Variants in PTBP1 observed in about 807,000 individuals in gnomAD.
PTBP1 encodes polypyrimidine tract binding protein 1.
A neutral mutation model predicts 59.8 loss-of-function variants in PTBP1; 8 were observed. The observed-to-expected ratio is 0.13, with a 90% CI of 0.08 to 0.24. The LOEUF is 0.24. Among genes scored for constraint, PTBP1 ranks in the 10% least tolerant of loss-of-function variants. The pLI, the probability that PTBP1 is intolerant of heterozygous loss-of-function variation, is 1.00. For synonymous variants in PTBP1, 490 were observed against 320.7 expected (o/e 1.53, Z -5.64); for missense variants, 686 against 767.0 (o/e 0.89, Z 1.25).
At chr19:798,893 A>G (rs556629612) in intron 1 of PTBP1, among the ~76,000 whole-genome samples, 2 of 152,116 alleles carry the variant, frequency 1.3e-5, no homozygotes, top group South Asian at 4.1e-4. Context: ...GTTAATTTTT[A>G]TTGACGGTTT....
In PTBP1 at chr19:812,121, T is replaced by C. The variant is rs1417168123; in HGVS notation, c.*1295T>C. ...TTGCTAACAGCAATTCCAGGCTCAG[T>C]ATTGTGACCGCGGAGCCACAGGGGA... On this transcript the variant is annotated 3_prime_UTR_variant, in exon 15 of 15. Coordinates refer to ENST00000356948, the MANE Select transcript of PTBP1 (RefSeq NM_002819.5). The C allele has an allele frequency of 2.0e-5, 3 of 152,410 alleles. No homozygotes were observed. Among genetic ancestry groups the C allele is most frequent in the African/African-American group, 7.2e-5 (3 of 41,444 alleles). The allele number at this position is 152,410 out of a possible 1,614,324, so 9.4% of individuals were successfully genotyped here.
chr19:797,740 G>T (rs2034134806), intron 1 of PTBP1, among the ~76,000 whole-genome samples: 1 of 139,900 alleles, frequency 7.1e-6, no homozygotes, highest in African/African-American at 2.6e-5. Flanking sequence ...CGCGCGCCCC[G>T]TCCCTAGCGC....
chr19:798,720 G>T (rs1368500328), intron 1 of PTBP1, among the ~76,000 whole-genome samples: 1 of 152,230 alleles, frequency 6.6e-6, no homozygotes, highest in African/African-American at 2.4e-5. Context: ...GGGAGAAGCC[G>T]TGGGGAGCTC....
chr19:810,158 T>C (rs1432288157), intron 13 of PTBP1, among the ~76,000 whole-genome samples: 1 of 152,122 alleles, frequency 6.6e-6, no homozygotes, highest in Non-Finnish European at 1.5e-5. Flanking sequence ...AATAAAAAAA[T>C]TAGCCTGGCA....
At chr19:806,334 GGGGAGCGTC>G in intron 9 of PTBP1, 65 bp from the exon 10 acceptor site, 2 of 1,465,728 alleles carry the variant, frequency 1.4e-6, no homozygotes, top group Admixed American at 4.8e-5. Flanking sequence ...GCATGAGGAC[GGGGAGCGTC>G]GGCCTCTCCC....
At chr19:807,973 TTATG>T in intron 11 of PTBP1, 71 bp downstream of exon 11, 3 of 1,426,556 alleles carry the variant, frequency 2.1e-6, no homozygotes, top group Non-Finnish European at 3.0e-6. Context: ...CTGAGACGTA[TTATG>T]AGTTTGCGGT....
chr19:810,143 C>CTA (rs1163515978), intron 13 of PTBP1, among the ~76,000 whole-genome samples: 2 of 152,132 alleles, frequency 1.3e-5, no homozygotes, highest in Non-Finnish European at 2.9e-5. Flanking sequence ...CCCGTCTCTA[C>CTA]TAAAAATAAA....
At chr19:807,960 G>T in intron 11 of PTBP1, 58 bp downstream of exon 11, 4 of 1,462,240 alleles carry the variant, frequency 2.7e-6, no homozygotes, top group African/African-American at 1.4e-5. Context: ...TGATTTTGAT[G>T]CCCTGAGACG....
At chr19:804,480 G>A (rs760479522) in intron 5 of PTBP1, 42 bp downstream of exon 5, 10 of 1,596,864 alleles carry the variant, frequency 6.3e-6, no homozygotes, top group East Asian at 2.2e-5. Context: ...CGGGGACCTC[G>A]GGGGTGGGCC....
At position 808,168 on chromosome 19, in the gene PTBP1, C is replaced by T. The variant is rs531209140; in HGVS notation, c.1154-192C>T. 7 of 641,006 alleles carry T rather than the reference C, an allele frequency of 1.1e-5. No individual in the cohort carries two copies. The African/African-American group carries it at 1.1e-4, about 10-fold the overall frequency. The allele number at this position is 641,006 out of a possible 1,614,324, so 39.7% of individuals were successfully genotyped here. On this transcript the variant is annotated intron_variant, in intron 11 of 14. Transcript: ENST00000356948. This position sits in a 1 kb window ranked among gnomAD's most constrained non-coding sequence, Gnocchi z 4.7. ...GCTGGCAGCTTACCTGTCCTGGATGCTATGACTTTGCTGAACGGAGCTGCT... is the reference window on the plus strand; with the variant it reads ...GCTGGCAGCTTACCTGTCCTGGATGTTATGACTTTGCTGAACGGAGCTGCT...
intron 13 of PTBP1, among the ~76,000 whole-genome samples, chr19:809,306 A>ATATT (rs1190395671): frequency 8.6e-6 from 1 of 116,506 alleles, no homozygotes; most frequent in African/African-American, 4.3e-5. Flanking sequence ...GCGCCTAGCC[A>ATATT]CATTTATTTA....
At chr19:800,788 C>T (rs949779379) in intron 2 of PTBP1, among the ~76,000 whole-genome samples, 11 of 152,200 alleles carry the variant, frequency 7.2e-5, no homozygotes, top group Non-Finnish European at 1.2e-4. Flanking sequence ...TCGTCTCTTC[C>T]CTGCTTCTGT....
At position 808,141 on chromosome 19, in the gene PTBP1, C is replaced by A. The variant is rs932314854; in HGVS notation, c.1154-219C>A. 6 of 629,628 alleles carry A rather than the reference C, an allele frequency of 9.5e-6. No individual in the cohort carries two copies. The African/African-American group carries it at 1.1e-4, about 12-fold the overall frequency. The allele number at this position is 629,628 out of a possible 1,614,324, so 39.0% of individuals were successfully genotyped here. ...CGGTGGCATATGCCACCGTGGCCAC[C>A]CGCTGGCAGCTTACCTGTCCTGGAT... On this transcript the variant is annotated intron_variant, in intron 11 of 14. Coordinates refer to ENST00000356948, the MANE Select transcript of PTBP1 (RefSeq NM_002819.5). This position sits in a 1 kb window ranked among gnomAD's most constrained non-coding sequence, Gnocchi z 4.7.
chr19:811,981 G>A lies in PTBP1; in HGVS notation c.*1155G>A, dbSNP rs999619320. The A allele has an allele frequency of 6.6e-6, 1 of 152,346 alleles. No individual in the cohort carries two copies. Among genetic ancestry groups the A allele is most frequent in the Non-Finnish European group, 1.5e-5 (1 of 68,028 alleles). 9.4% of individuals were successfully genotyped at this position (152,346 alleles called of 1,614,324 possible). A position where few individuals can be genotyped will look rare whatever the true frequency, so the allele number is the denominator to read the frequency against. On this transcript the variant is annotated 3_prime_UTR_variant, in exon 15 of 15. Transcript: ENST00000356948. ...CGTCCTGTCCCGGGGGCTCTCCTAG[G>A]ATCCCCTTTCCGTAAAAGCGTGTAA...
chr19:806,399 CT>C lies in PTBP1; in HGVS notation c.971-5del, dbSNP rs764352046. The C allele has an allele frequency of 1.3e-6, 2 of 1,597,520 alleles. No homozygotes were observed. Among genetic ancestry groups the C allele is most frequent in the Non-Finnish European group, 1.7e-6 (2 of 1,172,912 alleles). The stretch of plus-strand genomic sequence containing the variant: ...GCGCCGCCGCTCATCTCACCTCCTG[CT>C]TTTCCAGGCCTTTCCGTTCCGAACG... On this transcript the variant is annotated splice_region_variant and splice_polypyrimidine_tract_variant and intron_variant, in intron 9 of 14. Transcript: ENST00000356948.
At chr19:802,869 G>A (rs1035177955) in intron 2 of PTBP1, among the ~76,000 whole-genome samples, 1 of 152,222 alleles carries the variant, frequency 6.6e-6, no homozygotes, top group Non-Finnish European at 1.5e-5. Context: ...GATTGTTTCT[G>A]GAGAGAAAAT....
Position 808,896 on chromosome 19 carries a change from T to TA in PTBP1, c.1463+135dup. 1 of 803,762 alleles carries TA rather than the reference T, an allele frequency of 1.2e-6. No individual in the cohort carries two copies. Among genetic ancestry groups the TA allele is most frequent in the East Asian group, 2.7e-5 (1 of 37,322 alleles). 49.8% of individuals were successfully genotyped at this position (803,762 alleles called of 1,614,324 possible). A position where few individuals can be genotyped will look rare whatever the true frequency, so the allele number is the denominator to read the frequency against. On this transcript the variant is annotated intron_variant, in intron 13 of 14. Coordinates refer to ENST00000356948, the MANE Select transcript of PTBP1 (RefSeq NM_002819.5). The surrounding 1 kb of genome is among the most constrained non-coding windows in gnomAD (Gnocchi z 4.7). ...GGCACCTCTTACCCCAAACCTGAAG[T>TA]ACTGCAAGGCCTGGAGCTTGAGCCG...
At chr19:797,995 G>C (rs2034153093) in intron 1 of PTBP1, among the ~76,000 whole-genome samples, 2 of 150,286 alleles carry the variant, frequency 1.3e-5, no homozygotes, top group Non-Finnish European at 3.0e-5. Context: ...CTCTGCCCCC[G>C]GCGCAGCCCC....
In PTBP1 at chr19:808,595, C is replaced by A; in HGVS notation, c.1296C>A (p.Ile432=). The change falls in exon 13 of 15, where the codon ATC becomes ATA. Residue 432 remains isoleucine (I), a synonymous_variant. Coordinates refer to ENST00000356948, the MANE Select transcript of PTBP1 (RefSeq NM_002819.5). The surrounding 1 kb of genome is among the most constrained non-coding windows in gnomAD (Gnocchi z 4.7). ...AGCTGCACGGGAAGCCCATCCGCAT[C>A]ACGCTCTCGAAGCACCAGAACGTGC... is the stretch of plus-strand genomic sequence containing the variant. ...GHKLHGKPIR[I]TLSKHQNVQL... is the part of the protein sequence containing the mutation. 1 of 1,607,850 alleles carries A rather than the reference C, an allele frequency of 6.2e-7. No homozygotes were observed. The highest frequency in any genetic ancestry group is 2.2e-5 in the East Asian group (1 of 44,622).
Sources: allele counts gnomAD v4.1 joint callset (sites outside exome capture counted in the v4.1 genomes callset), GRCh38; gene constraint gnomAD v4.1.1; non-coding constraint Gnocchi (gnomAD v3.1); transcripts MANE v1.5; gene names NCBI Gene and HGNC (gene_info 2026-07-23, HGNC 2026-07-21).